The following KIAA0232 variants were observed in gnomAD, a reference collection of about 807,000 sequenced individuals.
KIAA0232 encodes the protein KIAA0232.
In KIAA0232, 27 loss-of-function variants were observed where a neutral mutation model predicts 122.0. That is an observed-to-expected ratio of 0.22 (90% confidence interval 0.16 to 0.31). The LOEUF (loss-of-function observed/expected upper bound fraction) is 0.31, where lower values mean the gene tolerates loss of function less well. KIAA0232 is among the 10% of genes least tolerant of loss of function. KIAA0232 has a pLI of 1.00. For synonymous variants in KIAA0232, 613 were observed against 587.6 expected, an observed-to-expected ratio of 1.04 and a Z score of -0.63; for missense variants, 1,551 against 1,634.2, an observed-to-expected ratio of 0.95 and a Z score of 0.88.
rs186078723 is a variant in KIAA0232 at position 6,869,005 on chromosome 4, G to A, written c.3802-2569G>A. Reference sequence around the variant, plus strand: ...TGGCCTGGCGGAAACTTTTCTTCACGTCAGCAGACACTGAGTATCTGCTTT... The same window carrying A: ...TGGCCTGGCGGAAACTTTTCTTCACATCAGCAGACACTGAGTATCTGCTTT... On this transcript the variant is annotated intron_variant, in intron 7 of 9. Coordinates refer to ENST00000307659, the MANE Select transcript of KIAA0232 (RefSeq NM_014743.3). 3.9e-3 allele frequency among the ~76,000 whole-genome samples: 596 copies of A among 152,266 alleles called. 5 individuals carry two copies. The highest frequency in any genetic ancestry group is 0.018 in the Admixed American group (270 of 15,294).
In KIAA0232 at chr4:6,871,568, A is replaced by T; in HGVS notation, c.3802-6A>T. The T allele has an allele frequency of 6.5e-7, 1 of 1,530,208 alleles. No homozygotes were observed. Among genetic ancestry groups the T allele is most frequent in the Non-Finnish European group, 9.0e-7 (1 of 1,109,306 alleles). 94.8% of individuals were successfully genotyped at this position (1,530,208 alleles called of 1,614,324 possible). A position where few individuals can be genotyped will look rare whatever the true frequency, so the allele number is the denominator to read the frequency against. ...ACTTTTTCTGTATTTGGTTTAATCT[A>T]AACAGTTCCCTGTATTGAACACTGA... On this transcript the variant is annotated splice_region_variant and splice_polypyrimidine_tract_variant and intron_variant, in intron 7 of 9. Coordinates refer to ENST00000307659, the MANE Select transcript of KIAA0232 (RefSeq NM_014743.3).
At chr4:6,840,495 C>T (rs1427523093) in intron 3 of KIAA0232, among the ~76,000 whole-genome samples, 1 of 152,144 alleles carries the variant, frequency 6.6e-6, no homozygotes, top group South Asian at 2.1e-4. Flanking sequence ...TCCCCCAGTT[C>T]CCAATCTCCC....
intron 6 of KIAA0232, among the ~76,000 whole-genome samples, chr4:6,859,793 A>G (rs2108792753): frequency 6.6e-6 from 1 of 152,324 alleles, no homozygotes; most frequent in South Asian, 2.1e-4. Flanking sequence ...AGCCAATGTG[A>G]CTTTAAATTC....
intron 4 of KIAA0232, among the ~76,000 whole-genome samples, chr4:6,850,729 T>A (rs1720232419): frequency 6.6e-6 from 1 of 151,838 alleles, no homozygotes; most frequent in Admixed American, 6.6e-5. Flanking sequence ...TGCAGTGGCG[T>A]TATCTCAGTC....
chr4:6,846,180 G>A (rs1413135177), intron 4 of KIAA0232, among the ~76,000 whole-genome samples: 1 of 152,076 alleles, frequency 6.6e-6, no homozygotes, highest in African/African-American at 2.4e-5. Context: ...AGCTGAGGAA[G>A]TGAATGTGCC....
intron 2 of KIAA0232, among the ~76,000 whole-genome samples, chr4:6,820,654 G>A (rs1174680246): frequency 6.8e-6 from 1 of 147,440 alleles, no homozygotes; most frequent in Non-Finnish European, 1.5e-5. Context: ...TTAAATAAAA[G>A]CTCTACAATG....
rs1474322848 is a variant in KIAA0232 at position 6,881,844 on chromosome 4, G to T, written c.*878G>T. 2 of 152,664 alleles carry T rather than the reference G, an allele frequency of 1.3e-5. No individual in the cohort carries two copies. The highest frequency in any genetic ancestry group is 4.8e-5 in the African/African-American group (2 of 41,456). 9.5% of individuals were successfully genotyped at this position (152,664 alleles called of 1,614,324 possible). Reference sequence around the variant, plus strand: ...ATTGAAACCCCCAAAACTTGAAATTGTGAACATTTGACATGCAGTAAAGGC... The same window carrying T: ...ATTGAAACCCCCAAAACTTGAAATTTTGAACATTTGACATGCAGTAAAGGC... On this transcript the variant is annotated 3_prime_UTR_variant, in exon 10 of 10. Coordinates refer to ENST00000307659, the MANE Select transcript of KIAA0232 (RefSeq NM_014743.3).
At position 6,881,177 on chromosome 4, in the gene KIAA0232, G is replaced by A; in HGVS notation, c.*211G>A. The A allele has an allele frequency of 2.4e-6, 1 of 414,116 alleles. No individual in the cohort carries two copies. Among genetic ancestry groups the A allele is most frequent in the Admixed American group, 4.5e-5 (1 of 22,260 alleles). The allele number at this position is 414,116 out of a possible 1,614,324, so 25.7% of individuals were successfully genotyped here. A position where few individuals can be genotyped will look rare whatever the true frequency, so the allele number is the denominator to read the frequency against. On this transcript the variant is annotated 3_prime_UTR_variant, in exon 10 of 10. Transcript: ENST00000307659. ...TTTTTTCCCAGCTGTTAAATTCTTGGCTATTTGAAATAGACTAGATTGTGT... is the reference window on the plus strand; with the variant it reads ...TTTTTTCCCAGCTGTTAAATTCTTGACTATTTGAAATAGACTAGATTGTGT...
chr4:6,833,116 G>C (rs1004804989), intron 3 of KIAA0232, among the ~76,000 whole-genome samples: 1 of 152,064 alleles, frequency 6.6e-6, no homozygotes, highest in African/African-American at 2.4e-5. Flanking sequence ...TAGCATCTGC[G>C]GTGTTTCCTG....
chr4:6,872,679 G>T (rs1475687665), intron 8 of KIAA0232, among the ~76,000 whole-genome samples: 8 of 152,204 alleles, frequency 5.3e-5, no homozygotes, highest in Admixed American at 5.2e-4. Flanking sequence ...AGTCCCGAAG[G>T]GGTTATGCAA....
At chr4:6,783,822 C>T (rs1427762497) in intron 1 of KIAA0232, among the ~76,000 whole-genome samples, 3 of 152,160 alleles carry the variant, frequency 2.0e-5, no homozygotes, top group Non-Finnish European at 2.9e-5. Flanking sequence ...GAGGGCGCCC[C>T]GAGTTGCTGC....
intron 4 of KIAA0232, among the ~76,000 whole-genome samples, chr4:6,843,121 TAAC>T (rs764201228): frequency 1.1e-4 from 16 of 152,348 alleles, no homozygotes; most frequent in African/African-American, 3.6e-4. Flanking sequence ...TTTCCTGAAA[TAAC>T]AAAATAATTA....
rs113573147 is a variant in KIAA0232 at position 6,829,339 on chromosome 4, A to G, written c.231+4655A>G. On this transcript the variant is annotated intron_variant, in intron 3 of 9. Coordinates refer to ENST00000307659, the MANE Select transcript of KIAA0232 (RefSeq NM_014743.3). ...GCCAGGTTTCTCCTTGTAATGAATA[A>G]GCGATCTGTGCAGGGAGACTTTGAT... Among the ~76,000 whole-genome samples the G allele has an allele frequency of 3.9e-3, 589 of 152,310 alleles. 1 individual carries two copies. Among genetic ancestry groups the G allele is most frequent in the African/African-American group, 0.013 (547 of 41,558 alleles).
chr4:6,818,399 C>CAAAAAA (rs34255308), intron 2 of KIAA0232, among the ~76,000 whole-genome samples: 1 of 81,928 alleles, frequency 1.2e-5, no homozygotes, highest in African/African-American at 5.6e-5. Flanking sequence ...GACTCCGTCT[C>CAAAAAA]AAAAAAAAAA....
At chr4:6,835,678 C>T (rs893728490) in intron 3 of KIAA0232, among the ~76,000 whole-genome samples, 18 of 152,210 alleles carry the variant, frequency 1.2e-4, no homozygotes, top group African/African-American at 3.6e-4. Context: ...TCCATGTGTT[C>T]TCATTGTTCA....
chr4:6,802,912 C>G (rs1046067467), intron 1 of KIAA0232, among the ~76,000 whole-genome samples: 1 of 148,184 alleles, frequency 6.7e-6, no homozygotes, highest in African/African-American at 2.5e-5. Context: ...AATCCCAACT[C>G]TTTAGGTGGC....
chr4:6,808,406 A>G (rs1334513827), intron 2 of KIAA0232, among the ~76,000 whole-genome samples: 9 of 150,582 alleles, frequency 6.0e-5, no homozygotes, highest in Non-Finnish European at 1.2e-4. Context: ...CAATGTGAGT[A>G]TGAACTTTGT....
chr4:6,868,831 G>A (rs190538274), intron 7 of KIAA0232, among the ~76,000 whole-genome samples: 25 of 152,238 alleles, frequency 1.6e-4, no homozygotes, highest in Admixed American at 1.4e-3. Flanking sequence ...AGTATAAAAC[G>A]GGACAAATAA....
At chr4:6,809,316 G>T (rs1717772187) in intron 2 of KIAA0232, among the ~76,000 whole-genome samples, 1 of 152,204 alleles carries the variant, frequency 6.6e-6, no homozygotes, top group African/African-American at 2.4e-5. Flanking sequence ...CTATTAAAGT[G>T]AAGTGAGGCT....
Sources: allele counts gnomAD v4.1 joint callset (sites outside exome capture counted in the v4.1 genomes callset), GRCh38; gene constraint gnomAD v4.1.1; transcripts MANE v1.5; gene names NCBI Gene and HGNC (gene_info 2026-07-23, HGNC 2026-07-21).